Variants in GPC6 observed in about 807,000 individuals in gnomAD.
The protein encoded by GPC6 is glypican-6.
GPC6 carries 14 observed loss-of-function variants against 55.2 expected under a neutral mutation model. That is an observed-to-expected ratio of 0.25 (90% CI 0.17 to 0.40). GPC6 has a LOEUF of 0.40. GPC6 is among the 10% of genes least tolerant of loss of function. The pLI, the probability that GPC6 is intolerant of heterozygous loss-of-function variation, is 1.00. For synonymous variants in GPC6, 278 were observed against 259.6 expected, an observed-to-expected ratio of 1.07 and a Z score of -0.68; for missense variants, 641 against 708.5, an observed-to-expected ratio of 0.90 and a Z score of 1.08.
Position 93,741,163 on chromosome 13 carries a change from G to A in GPC6, c.320-88991G>A, listed in dbSNP as rs1243698063. Among the ~76,000 whole-genome samples the A allele has an allele frequency of 8.6e-5, 10 of 115,834 alleles. No individual in the cohort carries two copies. In the South Asian group the frequency reaches 1.7e-3, roughly 20 times the overall value. 76.0% of individuals were successfully genotyped at this position (115,834 alleles called of 152,430 possible). A position where few individuals can be genotyped will look rare whatever the true frequency, so the allele number is the denominator to read the frequency against. ...TTTTGAGACGAAATCTCCCTCTGTC[G>A]CCCAGGTTGGAGTGCATCTGGGCTC... On this transcript the variant is annotated intron_variant, in intron 2 of 8. Transcript: ENST00000377047.
chr13:93,580,972 A>C (rs529626719), intron 2 of GPC6, among the ~76,000 whole-genome samples: 7 of 152,286 alleles, frequency 4.6e-5, no homozygotes, highest in African/African-American at 1.7e-4. Flanking sequence ...TAAAGGAGCA[A>C]AAGGATTTGT....
At chr13:94,044,762 A>G (rs1285575230) in intron 4 of GPC6, among the ~76,000 whole-genome samples, 4 of 151,826 alleles carry the variant, frequency 2.6e-5, no homozygotes, top group Non-Finnish European at 5.9e-5. Flanking sequence ...AAGAATCCCT[A>G]TTTCCCCAGA....
intron 2 of GPC6, among the ~76,000 whole-genome samples, chr13:93,579,277 T>A (rs1876819688): frequency 6.6e-6 from 1 of 152,062 alleles, no homozygotes; most frequent in African/African-American, 2.4e-5. Flanking sequence ...AAAAGATAAA[T>A]ATTGAAGGTG....
chr13:93,946,666 A>G lies in GPC6; in HGVS notation c.712-81063A>G, dbSNP rs568152790. On this transcript the variant is annotated intron_variant, in intron 3 of 8. Coordinates refer to ENST00000377047, the MANE Select transcript of GPC6 (RefSeq NM_005708.5). ...CTTTGTACAGGCCAAGGCCTCATCT[A>G]TTTTCCTAGAGAGGCTGTTAAAACC... Among the ~76,000 whole-genome samples the G allele has an allele frequency of 7.9e-5, 12 of 152,190 alleles. No homozygotes were observed. In the East Asian group the frequency reaches 9.7e-4, roughly 12 times the overall value.
intron 2 of GPC6, among the ~76,000 whole-genome samples, chr13:93,559,536 G>A (rs1047370069): frequency 6.6e-6 from 1 of 152,084 alleles, no homozygotes; most frequent in Non-Finnish European, 1.5e-5. Context: ...CACTAGGGAT[G>A]GATGAATACA....
At chr13:94,042,345 C>T (rs1883572735) in intron 4 of GPC6, among the ~76,000 whole-genome samples, 1 of 151,778 alleles carries the variant, frequency 6.6e-6, no homozygotes, top group African/African-American at 2.4e-5. Flanking sequence ...TTCTTTATAG[C>T]AATGTAAGAA....
chr13:94,150,528 C>T (rs608537), intron 4 of GPC6, among the ~76,000 whole-genome samples: 138,979 of 152,020 alleles, frequency 0.91, 63,581 homozygotes, highest in East Asian at 0.98. Flanking sequence ...ATATTCTTAG[C>T]TCCTTAAATG....
intron 3 of GPC6, among the ~76,000 whole-genome samples, chr13:93,988,837 A>G (rs1036839521): frequency 2.6e-5 from 4 of 152,190 alleles, no homozygotes; most frequent in African/African-American, 9.6e-5. Context: ...CATGTCTGAC[A>G]TATAGGGAAA....
At chr13:93,360,761 C>T (rs562351185) in intron 1 of GPC6, among the ~76,000 whole-genome samples, 8 of 151,770 alleles carry the variant, frequency 5.3e-5, no homozygotes, top group Non-Finnish European at 8.8e-5. Flanking sequence ...GGTTTCCAAA[C>T]ACTTTCTGTT....
At chr13:94,040,208 A>C (rs191566513) in intron 4 of GPC6, among the ~76,000 whole-genome samples, 2 of 151,770 alleles carry the variant, frequency 1.3e-5, no homozygotes, top group Admixed American at 6.6e-5. Context: ...TTTTACAAAA[A>C]CCTTCCCCAA....
intron 3 of GPC6, among the ~76,000 whole-genome samples, chr13:93,898,966 T>TATATATATATATATACAC (rs1251225383): frequency 6.6e-5 from 9 of 137,088 alleles, no homozygotes; most frequent in African/African-American, 2.1e-4. Context: ...TATATATATA[T>TATATATATATATATACAC]ACACACACAT....
At chr13:94,238,876 G>T (rs1024819221) in intron 4 of GPC6, among the ~76,000 whole-genome samples, 1 of 152,074 alleles carries the variant, frequency 6.6e-6, no homozygotes, top group South Asian at 2.1e-4. Flanking sequence ...ACAGATAAAC[G>T]TAGATTGCTG....
At chr13:94,248,674 TGAGAGAGAGAGA>T (rs142240819) in intron 4 of GPC6, among the ~76,000 whole-genome samples, 1 of 146,648 alleles carries the variant, frequency 6.8e-6, no homozygotes, top group African/African-American at 2.5e-5. Flanking sequence ...CATTTCAGGC[TGAGAGAGAGAGA>T]GAGAGAGAGA....
chr13:93,694,928 C>T (rs1882396065), intron 2 of GPC6, among the ~76,000 whole-genome samples: 1 of 152,032 alleles, frequency 6.6e-6, no homozygotes. Context: ...AAAAAAATCA[C>T]ACCTCTGTTC....
chr13:93,405,077 T>A (rs1158161949), intron 1 of GPC6, among the ~76,000 whole-genome samples: 1 of 152,192 alleles, frequency 6.6e-6, no homozygotes, highest in African/African-American at 2.4e-5. Flanking sequence ...TTATTTTTAT[T>A]TAGGAATTCC....
intron 4 of GPC6, among the ~76,000 whole-genome samples, chr13:94,052,422 G>C (rs1177205638): frequency 1.3e-5 from 2 of 152,142 alleles, no homozygotes; most frequent in East Asian, 3.9e-4. Context: ...TATCATTATT[G>C]AAAGTTTGGT....
chr13:94,096,700 A>G (rs1885669470), intron 4 of GPC6, among the ~76,000 whole-genome samples: 1 of 151,296 alleles, frequency 6.6e-6, no homozygotes, highest in Non-Finnish European at 1.5e-5. Flanking sequence ...AGACTAATAA[A>G]TTGGGAATTA....
intron 2 of GPC6, among the ~76,000 whole-genome samples, chr13:93,657,341 G>A (rs552569919): frequency 1.3e-5 from 2 of 152,098 alleles, no homozygotes; most frequent in Admixed American, 1.3e-4. Context: ...ACAAAACCAA[G>A]CAATGGGGAA....
intron 4 of GPC6, among the ~76,000 whole-genome samples, chr13:94,035,865 G>C (rs749934702): frequency 1.3e-5 from 2 of 151,920 alleles, no homozygotes; most frequent in Non-Finnish European, 1.5e-5. Context: ...CTCAAAAGTA[G>C]AACTGCTAAT....
Sources: allele counts gnomAD v4.1 joint callset (sites outside exome capture counted in the v4.1 genomes callset), GRCh38; gene constraint gnomAD v4.1.1; transcripts MANE v1.5; gene names NCBI Gene and HGNC (gene_info 2026-07-23, HGNC 2026-07-21).